The following L2HGDH variants were observed in gnomAD, a reference collection of about 807,000 sequenced individuals.
L2HGDH encodes the protein L-2-hydroxyglutarate dehydrogenase.
In L2HGDH, 34 loss-of-function variants were observed where a neutral mutation model predicts 51.5. That is an observed-to-expected ratio of 0.66 (90% CI 0.50 to 0.88). L2HGDH has a LOEUF of 0.88. Among genes scored for constraint, L2HGDH ranks in the 40% least tolerant of loss-of-function variants. L2HGDH has a pLI of 0.00. For missense variants in L2HGDH, 558 were observed against 571.9 expected (o/e 0.98, Z 0.25); for synonymous variants, 198 against 197.9 (o/e 1.00, Z -0.01).
chr14:50,276,449 T>C (rs1413950272), intron 6 of L2HGDH, among the ~76,000 whole-genome samples: 1 of 132,618 alleles, frequency 7.5e-6, no homozygotes, highest in African/African-American at 2.8e-5. Flanking sequence ...CCCATTGCTA[T>C]AGATTGAATT....
intron 9 of L2HGDH, among the ~76,000 whole-genome samples, chr14:50,260,647 T>A (rs1161862956): frequency 6.6e-6 from 1 of 152,192 alleles, no homozygotes; most frequent in Non-Finnish European, 1.5e-5. Flanking sequence ...CAAGGATGTT[T>A]ATCATATTTC....
rs942397141 is a variant in L2HGDH at position 50,244,044 on chromosome 14, G to A, written c.*3014C>T. 1.3e-5 allele frequency: 2 copies of A among 151,252 alleles called. No homozygotes were observed. The highest frequency in any genetic ancestry group is 3.0e-5 in the Non-Finnish European group (2 of 67,758). The allele number at this position is 151,252 out of a possible 1,614,324, so 9.4% of individuals were successfully genotyped here. ...TTTTTATGGCTGCATAGTATTCCAT[G>A]GTGTATATGTGCCACATTTTCTTAA... On this transcript the variant is annotated 3_prime_UTR_variant, in exon 10 of 10. Transcript: ENST00000267436.
In L2HGDH at chr14:50,312,202, C is replaced by T. The variant is rs1595170266; in HGVS notation, c.-52G>A. On this transcript the variant is annotated 5_prime_UTR_variant, in exon 1 of 10. Coordinates refer to ENST00000267436, the MANE Select transcript of L2HGDH (RefSeq NM_024884.3). ...CGCTCAGAAGAAGCCACTTGACCCT[C>T]CACGGCCGAGGACCCGCGCTCTTTA... is the stretch of plus-strand genomic sequence containing the variant. The T allele has an allele frequency of 2.5e-6, 4 of 1,599,924 alleles. No individual in the cohort carries two copies. The highest frequency in any genetic ancestry group is 3.4e-6 in the Non-Finnish European group (4 of 1,176,708).
At chr14:50,248,404 A>T (rs1888134969) in intron 9 of L2HGDH, among the ~76,000 whole-genome samples, 1 of 152,244 alleles carries the variant, frequency 6.6e-6, no homozygotes, top group East Asian at 1.9e-4. Context: ...CTAAGACTTC[A>T]GCTGGCTGAA....
In L2HGDH at chr14:50,256,797, A is replaced by T. The variant is rs1249083195; in HGVS notation, c.1196+8561T>A. ...AGTTTTATTTACTCAGATGGGATGC[A>T]CTGTACATCTTGAATTTGAGGTCTG... On this transcript the variant is annotated intron_variant, in intron 9 of 9. Coordinates refer to ENST00000267436, the MANE Select transcript of L2HGDH (RefSeq NM_024884.3). 2.0e-5 allele frequency among the ~76,000 whole-genome samples: 3 copies of T among 152,088 alleles called. No individual in the cohort carries two copies. In the East Asian group the frequency reaches 5.8e-4, roughly 29 times the overall value.
At chr14:50,303,210 T>A (rs1477737762) in intron 1 of L2HGDH, among the ~76,000 whole-genome samples, 193 bp from the exon 2 acceptor site, 1 of 150,788 alleles carries the variant, frequency 6.6e-6, no homozygotes, top group Admixed American at 6.6e-5. Context: ...GATCACGAGG[T>A]CAAGAGATCG....
At chr14:50,309,722 G>A (rs560331232) in intron 1 of L2HGDH, among the ~76,000 whole-genome samples, 1 of 140,920 alleles carries the variant, frequency 7.1e-6, no homozygotes, top group Admixed American at 7.3e-5. Context: ...TTGCTCTGTT[G>A]TCCAGGCTTC....
At chr14:50,270,970 A>C (rs1889650010) in intron 6 of L2HGDH, among the ~76,000 whole-genome samples, 1 of 152,216 alleles carries the variant, frequency 6.6e-6, no homozygotes, top group Non-Finnish European at 1.5e-5. Flanking sequence ...AATTAGCTAG[A>C]CTAAGCCATG....
chr14:50,270,178 G>T (rs534198516), intron 6 of L2HGDH, among the ~76,000 whole-genome samples: 5 of 152,126 alleles, frequency 3.3e-5, no homozygotes, highest in African/African-American at 1.2e-4. Flanking sequence ...TACGTTCAAC[G>T]TTTGCTTTAG....
intron 1 of L2HGDH, among the ~76,000 whole-genome samples, chr14:50,306,985 T>G (rs2030768953): frequency 6.6e-6 from 1 of 152,078 alleles, no homozygotes; most frequent in African/African-American, 2.4e-5. Flanking sequence ...TGGGCTAGTT[T>G]TTGTATTTTT....
At chr14:50,294,608 T>TC (rs567756108) in intron 3 of L2HGDH, among the ~76,000 whole-genome samples, 4 of 151,812 alleles carry the variant, frequency 2.6e-5, no homozygotes, top group Admixed American at 1.3e-4. Flanking sequence ...TTACTTTTTT[T>TC]CCCCCCCAAA....
At chr14:50,310,199 G>A (rs377523386) in intron 1 of L2HGDH, among the ~76,000 whole-genome samples, 1 of 152,148 alleles carries the variant, frequency 6.6e-6, no homozygotes, top group South Asian at 2.1e-4. Context: ...TAAATGGGGT[G>A]AAGGGTACAT....
chr14:50,312,223 C>T lies in L2HGDH; in HGVS notation c.-73G>A, dbSNP rs533934560. 23 of 1,575,628 alleles carry T rather than the reference C, an allele frequency of 1.5e-5. No individual in the cohort carries two copies. The Admixed American group carries it at 3.4e-4, about 23-fold the overall frequency. ...CCCTCCACGGCCGAGGACCCGCGCTCTTTAGCCCCGCCCCTCACGCGGGGG... is the reference window on the plus strand; with the variant it reads ...CCCTCCACGGCCGAGGACCCGCGCTTTTTAGCCCCGCCCCTCACGCGGGGG... On this transcript the variant is annotated 5_prime_UTR_variant, in exon 1 of 10. Transcript: ENST00000267436.
Position 50,243,133 on chromosome 14 carries a change from C to T in L2HGDH, c.*3925G>A. 3 of 985,380 alleles carry T rather than the reference C, an allele frequency of 3.0e-6. No individual in the cohort carries two copies. Among genetic ancestry groups the T allele is most frequent in the Non-Finnish European group, 3.6e-6 (3 of 829,934 alleles). The allele number at this position is 985,380 out of a possible 1,614,324, so 61.0% of individuals were successfully genotyped here. A position where few individuals can be genotyped will look rare whatever the true frequency, so the allele number is the denominator to read the frequency against. ...ATTCTGCCAACAGTAAAGGCAACTC[C>T]CCAAACAGTGCTAATGCTGAGAGGA... On this transcript the variant is annotated 3_prime_UTR_variant, in exon 10 of 10. Transcript: ENST00000267436.
intron 9 of L2HGDH, among the ~76,000 whole-genome samples, chr14:50,259,555 G>A (rs1888890261): frequency 6.6e-6 from 1 of 151,596 alleles, no homozygotes; most frequent in African/African-American, 2.4e-5. Flanking sequence ...TTATCCAGGT[G>A]CAGTGGCTCA....
At chr14:50,290,140 G>A (rs543745662) in intron 4 of L2HGDH, among the ~76,000 whole-genome samples, 7 of 152,096 alleles carry the variant, frequency 4.6e-5, no homozygotes, top group Admixed American at 2.6e-4. Context: ...GGTGGTGGGC[G>A]CCTGTAGTCC....
chr14:50,289,883 C>T (rs912649991), intron 4 of L2HGDH, among the ~76,000 whole-genome samples: 1 of 152,168 alleles, frequency 6.6e-6, no homozygotes, highest in East Asian at 1.9e-4. Flanking sequence ...TCAACAGCTA[C>T]ATTATACTGC....
chr14:50,290,267 A>AT (rs1890801187), intron 4 of L2HGDH, among the ~76,000 whole-genome samples: 2 of 151,838 alleles, frequency 1.3e-5, no homozygotes, highest in East Asian at 3.9e-4. Context: ...ACTCCGTCTC[A>AT]TAAAAAAAAA....
intron 4 of L2HGDH, among the ~76,000 whole-genome samples, chr14:50,289,053 A>T (rs1435843411): frequency 2.0e-5 from 3 of 152,216 alleles, no homozygotes; most frequent in Non-Finnish European, 4.4e-5. Flanking sequence ...TTAAATTCAT[A>T]GAAAAATTGA....
Sources: allele counts gnomAD v4.1 joint callset (sites outside exome capture counted in the v4.1 genomes callset), GRCh38; gene constraint gnomAD v4.1.1; transcripts MANE v1.5; gene names NCBI Gene and HGNC (gene_info 2026-07-23, HGNC 2026-07-21).